Variants in TSPEAR observed in about 807,000 individuals in gnomAD.
TSPEAR encodes the protein thrombospondin-type laminin G domain and EAR repeat-containing protein.
Under a neutral mutation model 71.6 loss-of-function variants are expected in TSPEAR, and 69 were observed. That is an observed-to-expected ratio of 0.96 (90% CI 0.79 to 1.18). TSPEAR has a LOEUF of 1.18. Among genes scored for constraint, TSPEAR ranks in the 50% most tolerant of loss-of-function variants. The pLI, the probability that TSPEAR is intolerant of heterozygous loss-of-function variation, is 0.00. For synonymous variants in TSPEAR, 402 were observed against 387.2 expected (o/e 1.04, Z -0.45); for missense variants, 971 against 894.9 (o/e 1.09, Z -1.09).
intron 1 of TSPEAR, chr21:44,646,878 C>T: frequency 7.6e-6 from 12 of 1,578,328 alleles, no homozygotes; most frequent in Non-Finnish European, 1.0e-5. Flanking sequence ...GTGCCTCTTC[C>T]TCCTGCCAGC....
intron 1 of TSPEAR, chr21:44,666,572 G>T: frequency 6.2e-7 from 1 of 1,601,214 alleles, no homozygotes. Flanking sequence ...TCACAGGCAC[G>T]CACAGGGAGG....
intron 1 of TSPEAR, among the ~76,000 whole-genome samples, chr21:44,602,936 C>T (rs1295577348): frequency 6.6e-6 from 1 of 152,094 alleles, no homozygotes; most frequent in South Asian, 2.1e-4. Context: ...CCTGGAGAAT[C>T]GCCGTCTTGG....
intron 2 of TSPEAR, among the ~76,000 whole-genome samples, chr21:44,548,495 G>A (rs1555918028): frequency 1.3e-5 from 2 of 152,186 alleles, no homozygotes; most frequent in African/African-American, 2.4e-5. Flanking sequence ...GGAAGTGATG[G>A]CGGAGGAAGC....
chr21:44,639,308 A>G (rs1983883091), intron 1 of TSPEAR, among the ~76,000 whole-genome samples: 1 of 152,222 alleles, frequency 6.6e-6, no homozygotes, highest in Non-Finnish European at 1.5e-5. Flanking sequence ...TCTTTCCGCC[A>G]GGTCGCTGTG....
At chr21:44,592,310 G>C (rs1304331927) in intron 1 of TSPEAR, 3 of 1,506,514 alleles carry the variant, frequency 2.0e-6, no homozygotes, top group African/African-American at 3.2e-5. Context: ...CGGCTCACTG[G>C]GGTGCAGACC....
rs1555931225 is a variant in TSPEAR, at chr21:44,612,288, C to T, written c.83-44283G>A. The T allele has an allele frequency of 1.2e-6, 2 of 1,613,606 alleles. No individual in the cohort carries two copies. The highest frequency in any genetic ancestry group is 2.2e-5 in the East Asian group (1 of 44,884). On this transcript the variant is annotated intron_variant, in intron 1 of 11. Transcript: ENST00000323084. This position sits in a 1 kb window ranked among gnomAD's most constrained non-coding sequence, Gnocchi z 4.1. ...TCCTGTGCCTCCAGCTGCTGTACCCCTAGCTGCTGTGCCCCAGCCCCCTGC... is the reference window on the plus strand; with the variant it reads ...TCCTGTGCCTCCAGCTGCTGTACCCTTAGCTGCTGTGCCCCAGCCCCCTGC...
intron 1 of TSPEAR, among the ~76,000 whole-genome samples, chr21:44,694,557 A>G (rs1987249639): frequency 6.6e-6 from 1 of 152,200 alleles, no homozygotes; most frequent in Non-Finnish European, 1.5e-5. Flanking sequence ...AATGGTTAAA[A>G]TGGTAAATTT....
At chr21:44,633,752 G>A (rs1469401732) in intron 1 of TSPEAR, among the ~76,000 whole-genome samples, 1 of 151,994 alleles carries the variant, frequency 6.6e-6, no homozygotes, top group Non-Finnish European at 1.5e-5. Flanking sequence ...TGTTCTTCAA[G>A]TTCTCTATTT....
intron 1 of TSPEAR, among the ~76,000 whole-genome samples, chr21:44,696,985 A>G (rs781883226): frequency 3.3e-5 from 5 of 151,668 alleles, no homozygotes; most frequent in African/African-American, 4.9e-5. Flanking sequence ...CCTAGCACCC[A>G]GACACTCACT....
chr21:44,539,064 A>C, intron 2 of TSPEAR: 1 of 648,200 alleles, frequency 1.5e-6, no homozygotes, highest in Non-Finnish European at 2.6e-6. Context: ...AGAGCAGAGA[A>C]GCTGGGAGGG....
intron 1 of TSPEAR, among the ~76,000 whole-genome samples, chr21:44,706,491 G>T (rs945637424): frequency 3.0e-5 from 3 of 98,640 alleles, no homozygotes; most frequent in Non-Finnish European, 7.6e-5. Context: ...ACACACCCAC[G>T]CGCACACACC....
At chr21:44,613,090 C>T in intron 1 of TSPEAR, 1 of 709,080 alleles carries the variant, frequency 1.4e-6, no homozygotes. Context: ...TGCCCACCTG[C>T]CTGCTGGGTC....
At chr21:44,658,526 T>C (rs1188437094) in intron 1 of TSPEAR, among the ~76,000 whole-genome samples, 2 of 152,218 alleles carry the variant, frequency 1.3e-5, no homozygotes, top group African/African-American at 2.4e-5. Context: ...AAATCGGCTG[T>C]CCCTATACAC....
intron 2 of TSPEAR, among the ~76,000 whole-genome samples, chr21:44,566,315 T>A (rs2053702599): frequency 6.6e-6 from 1 of 152,208 alleles, no homozygotes; most frequent in Non-Finnish European, 1.5e-5. Flanking sequence ...ACTTATACTC[T>A]GAAAACTATA....
At chr21:44,540,154 G>A in intron 2 of TSPEAR, 2 of 1,611,794 alleles carry the variant, frequency 1.2e-6, no homozygotes, top group South Asian at 2.2e-5. Context: ...CGGCCATGCT[G>A]GGGTGGGGAG....
At chr21:44,613,980 C>G (rs1221973280) in intron 1 of TSPEAR, among the ~76,000 whole-genome samples, 5 of 152,124 alleles carry the variant, frequency 3.3e-5, no homozygotes, top group Admixed American at 6.5e-5. Flanking sequence ...CAGCTCAGGC[C>G]TCTCCTCCTC....
chr21:44,530,020 C>T, intron 4 of TSPEAR, 66 bp from the exon 5 acceptor site: 5 of 1,458,236 alleles, frequency 3.4e-6, no homozygotes, highest in Non-Finnish European at 4.5e-6. Context: ...AGGAGGCGAC[C>T]ACTGAGCTTG....
intron 9 of TSPEAR, chr21:44,509,874 G>GT (rs1359482732): frequency 5.9e-6 from 1 of 169,928 alleles, no homozygotes; most frequent in Non-Finnish European, 1.3e-5. Flanking sequence ...ACCTCTTCCA[G>GT]GAAGCCCACC....
intron 2 of TSPEAR, chr21:44,557,813 T>G: frequency 1.7e-6 from 1 of 574,262 alleles, no homozygotes; most frequent in Non-Finnish European, 3.1e-6. Flanking sequence ...TGACTTTATT[T>G]GTTGACAGAC....
Sources: gnomAD v4.1 joint callset for allele counts (sites outside exome capture counted in the v4.1 genomes callset) on GRCh38, gnomAD v4.1.1 for gene constraint, Gnocchi (gnomAD v3.1) non-coding constraint, MANE v1.5 for transcripts, NCBI Gene and HGNC (gene_info 2026-07-23, HGNC 2026-07-21) for gene names.